ADARB2: variants seen among roughly 807,000 people sequenced by gnomAD.
ADARB2 encodes inactive double-stranded RNA-specific editase B2.
A neutral mutation model predicts 62.2 loss-of-function variants in ADARB2; 25 were observed. The observed-to-expected ratio is 0.40, with a 90% CI of 0.29 to 0.56. The LOEUF is 0.56. ADARB2 is among the 20% of genes least tolerant of loss of function. ADARB2 has a pLI of 0.43. For missense variants in ADARB2, 1,071 were observed against 1,077.4 expected, an observed-to-expected ratio of 0.99 and a Z score of 0.08; for synonymous variants, 572 against 500.8, an observed-to-expected ratio of 1.14 and a Z score of -1.90.
At chr10:1,643,370 C>G (rs1045386469) in intron 1 of ADARB2, among the ~76,000 whole-genome samples, 8 of 152,234 alleles carry the variant, frequency 5.3e-5, no homozygotes, top group African/African-American at 1.9e-4. Flanking sequence ...TCCCCGCACT[C>G]ACTTTCATAC....
rs60982769 is a variant in ADARB2, at chr10:1,398,294, G to C, written c.101-19134C>G. On this transcript the variant is annotated intron_variant, in intron 1 of 9. Transcript: ENST00000381312. The surrounding 1 kb of genome is among the most constrained non-coding windows in gnomAD (Gnocchi z 4.1). ...TGCAGGCTTCCTGGGGCAGGGCTTC[G>C]CCTGCTTCCTGCAATTGTGTCCAGG... Among the ~76,000 whole-genome samples the C allele has an allele frequency of 8.5e-5, 13 of 152,326 alleles. No homozygotes were observed. The highest frequency in any genetic ancestry group is 3.1e-4 in the African/African-American group (13 of 41,566).
At chr10:1,596,560 G>C (rs889510617) in intron 1 of ADARB2, among the ~76,000 whole-genome samples, 8 of 152,224 alleles carry the variant, frequency 5.3e-5, no homozygotes, top group Admixed American at 5.2e-4. Context: ...TCAGGACAGA[G>C]GCTTGCAGGA....
chr10:1,455,358 G>A (rs1344697669), intron 1 of ADARB2, among the ~76,000 whole-genome samples: 1 of 152,118 alleles, frequency 6.6e-6, no homozygotes, highest in East Asian at 1.9e-4. Context: ...AAATAATTAG[G>A]AAATACAGAC....
At chr10:1,207,709 A>G (rs1837088213) in intron 7 of ADARB2, among the ~76,000 whole-genome samples, 1 of 152,226 alleles carries the variant, frequency 6.6e-6, no homozygotes, top group Admixed American at 6.5e-5. Context: ...GTTCATTTTC[A>G]TGGAGAAAGT....
intron 1 of ADARB2, among the ~76,000 whole-genome samples, chr10:1,427,773 A>G (rs546122616): frequency 6.6e-6 from 1 of 152,224 alleles, no homozygotes; most frequent in Non-Finnish European, 1.5e-5. Context: ...AAAACTGTAC[A>G]TGGATGTTTA....
rs537232747 is a variant in ADARB2 at position 1,495,944 on chromosome 10, A to G, written c.101-116784T>C. 2.0e-3 allele frequency among the ~76,000 whole-genome samples: 297 copies of G among 152,106 alleles called. 3 individuals are homozygous for G. The highest frequency in any genetic ancestry group is 6.6e-3 in the African/African-American group (272 of 41,496). On this transcript the variant is annotated intron_variant, in intron 1 of 9. Coordinates refer to ENST00000381312, the MANE Select transcript of ADARB2 (RefSeq NM_018702.4). ...CATCATCATTGTCATCACCATCACC[A>G]TCATTATTGTGATCATCACCATCAT...
intron 1 of ADARB2, among the ~76,000 whole-genome samples, chr10:1,621,570 C>G (rs1429904725): frequency 1.3e-5 from 2 of 152,176 alleles, no homozygotes; most frequent in Admixed American, 6.5e-5. Context: ...CACATGCCAC[C>G]ACATCCAGCT....
intron 1 of ADARB2, chr10:1,675,861 G>T: frequency 4.0e-6 from 3 of 742,766 alleles, no homozygotes; most frequent in African/African-American, 1.9e-5. Flanking sequence ...CTGCAGGAGG[G>T]CAGAGGCCAG....
chr10:1,554,908 A>C (rs1195604167), intron 1 of ADARB2, among the ~76,000 whole-genome samples: 1 of 152,006 alleles, frequency 6.6e-6, no homozygotes. Flanking sequence ...CCCAGGGTCC[A>C]TTGCTCCCAT....
At chr10:1,348,658 T>C (rs1412786630) in intron 3 of ADARB2, among the ~76,000 whole-genome samples, 5 of 151,928 alleles carry the variant, frequency 3.3e-5, no homozygotes, top group Non-Finnish European at 5.9e-5. Context: ...TGAGTTGACA[T>C]GGGGAGAAGC....
rs78911330 is a variant in ADARB2, at chr10:1,723,797, C to A, written c.100+13254G>T. Among the ~76,000 whole-genome samples, 1,308 of 152,272 alleles carry A rather than the reference C, an allele frequency of 8.6e-3. 20 individuals carry two copies. The highest frequency in any genetic ancestry group is 0.052 in the East Asian group (268 of 5,170). ...GTTAGAGGGCACCACGTGGCAAAGA[C>A]ATCAAGGGGAACCTAATCAGAGGTT... On this transcript the variant is annotated intron_variant, in intron 1 of 9. Transcript: ENST00000381312.
chr10:1,248,544 A>G (rs184104840), intron 4 of ADARB2, among the ~76,000 whole-genome samples: 30 of 152,348 alleles, frequency 2.0e-4, no homozygotes, highest in African/African-American at 7.0e-4. Context: ...AGGAGGCTGC[A>G]GCTGTGAGCT....
At chr10:1,683,541 G>C (rs530161660) in intron 1 of ADARB2, among the ~76,000 whole-genome samples, 1 of 152,162 alleles carries the variant, frequency 6.6e-6, no homozygotes, top group African/African-American at 2.4e-5. Context: ...GCAGGGAGTG[G>C]AGTCTGTTTG....
chr10:1,725,920 TC>T (rs890838795), intron 1 of ADARB2, among the ~76,000 whole-genome samples: 28 of 152,248 alleles, frequency 1.8e-4, no homozygotes, highest in African/African-American at 6.8e-4. Flanking sequence ...GTTTTCATAG[TC>T]AAGAGTACAG....
chr10:1,472,679 C>A (rs114254300), intron 1 of ADARB2, among the ~76,000 whole-genome samples: 2 of 152,192 alleles, frequency 1.3e-5, no homozygotes, highest in Non-Finnish European at 2.9e-5. Flanking sequence ...ACCTCTTGAT[C>A]GCTCTGTGCA....
chr10:1,608,559 AAGAC>A (rs781521280), intron 1 of ADARB2, among the ~76,000 whole-genome samples: 263 of 150,780 alleles, frequency 1.7e-3, no homozygotes, highest in African/African-American at 3.1e-3. Context: ...AAGAGAAAGA[AAGAC>A]AGAAGGAGGG....
chr10:1,448,896 T>A (rs181342178), intron 1 of ADARB2, among the ~76,000 whole-genome samples: 1 of 152,188 alleles, frequency 6.6e-6, no homozygotes, highest in East Asian at 1.9e-4. Context: ...GCCGACCCCA[T>A]GACTGACATC....
chr10:1,327,355 T>C lies in ADARB2; in HGVS notation c.1077+35673A>G, dbSNP rs1242441817. 6.4e-4 allele frequency among the ~76,000 whole-genome samples: 20 copies of C among 31,384 alleles called. 1 individual carries two copies. The highest frequency in any genetic ancestry group is 1.4e-3 in the South Asian group (1 of 716). 20.6% of individuals were successfully genotyped at this position (31,384 alleles called of 152,430 possible). A position where few individuals can be genotyped will look rare whatever the true frequency, so the allele number is the denominator to read the frequency against. On this transcript the variant is annotated intron_variant, in intron 3 of 9. Coordinates refer to ENST00000381312, the MANE Select transcript of ADARB2 (RefSeq NM_018702.4). ...CGCCTCCTCACTGCACAGCGCCTCC[T>C]CACGGCCCAGCGCCTCCCCACGGCA...
intron 7 of ADARB2, chr10:1,200,502 G>A (rs2131742389): frequency 2.2e-6 from 1 of 456,038 alleles, no homozygotes; most frequent in East Asian, 3.4e-5. Context: ...TATTAGCTGG[G>A]AAATACTATA....
Sources: gnomAD v4.1 joint callset for allele counts (sites outside exome capture counted in the v4.1 genomes callset) on GRCh38, gnomAD v4.1.1 for gene constraint, Gnocchi (gnomAD v3.1) non-coding constraint, MANE v1.5 for transcripts, NCBI Gene and HGNC (gene_info 2026-07-23, HGNC 2026-07-21) for gene names.